The following BANK1 variants were observed in gnomAD, a reference collection of about 807,000 sequenced individuals.
BANK1 encodes B-cell scaffold protein with ankyrin repeats.
Under a neutral mutation model 94.5 loss-of-function variants are expected in BANK1, and 95 were observed. The observed-to-expected ratio is 1.00, with a 90% CI of 0.85 to 1.19. BANK1 has a LOEUF of 1.19. Ranked by LOEUF, BANK1 falls within the 50% of genes most tolerant of loss-of-function variation. BANK1 has a pLI of 0.00. For synonymous variants in BANK1, 334 were observed against 308.4 expected (o/e 1.08, Z -0.87); for missense variants, 987 against 932.2 (o/e 1.06, Z -0.77).
chr4:101,972,639 A>G (rs1252164540), intron 7 of BANK1: 2 of 152,222 alleles, frequency 1.3e-5, no homozygotes, highest in South Asian at 2.1e-4. Context: ...AGCAGTCAGT[A>G]GTATTCCTGC....
intron 7 of BANK1, among the ~76,000 whole-genome samples, chr4:102,018,631 A>C (rs1487412064): frequency 2.0e-5 from 3 of 152,206 alleles, no homozygotes; most frequent in Non-Finnish European, 4.4e-5. Context: ...TACAAGGACT[A>C]TCTGTGGGTT....
At chr4:101,820,444 C>A (rs1230073547) in intron 1 of BANK1, among the ~76,000 whole-genome samples, 1 of 152,104 alleles carries the variant, frequency 6.6e-6, no homozygotes, top group African/African-American at 2.4e-5. Flanking sequence ...GCAATTGCCT[C>A]AAGTGAAGTT....
At chr4:101,811,920 G>T (rs1230657518) in intron 1 of BANK1, among the ~76,000 whole-genome samples, 4 of 151,780 alleles carry the variant, frequency 2.6e-5, no homozygotes, top group Non-Finnish European at 5.9e-5. Context: ...TTTTTTAAGG[G>T]CAGGAATTGG....
rs150206604 is a variant in BANK1 at position 101,825,317 on chromosome 4, T to G, written c.71-4491T>G. Among the ~76,000 whole-genome samples, 17 of 152,240 alleles carry G rather than the reference T, an allele frequency of 1.1e-4. No individual in the cohort carries two copies. In the East Asian group the frequency reaches 1.9e-3, roughly 17 times the overall value. ...TTAGGGTTGATTTAATTCAAATGTA[T>G]AAAATGAAGTGCAGTTCAAGGCCAC... On this transcript the variant is annotated intron_variant, in intron 1 of 16. Coordinates refer to ENST00000322953, the MANE Select transcript of BANK1 (RefSeq NM_017935.5).
At chr4:101,981,327 A>G (rs187983166) in intron 7 of BANK1, among the ~76,000 whole-genome samples, 2 of 152,232 alleles carry the variant, frequency 1.3e-5, no homozygotes, top group Admixed American at 6.6e-5. Flanking sequence ...CAATGGAGAG[A>G]GGAATATTCT....
At chr4:101,896,316 A>G (rs947115580) in intron 6 of BANK1, among the ~76,000 whole-genome samples, 9 of 152,022 alleles carry the variant, frequency 5.9e-5, no homozygotes, top group Non-Finnish European at 1.0e-4. Flanking sequence ...TAAAGAATGT[A>G]AGAAGTCTAA....
chr4:101,855,663 A>T (rs919333832), intron 3 of BANK1, among the ~76,000 whole-genome samples: 13 of 152,336 alleles, frequency 8.5e-5, no homozygotes, highest in Non-Finnish European at 1.6e-4. Flanking sequence ...AGAAATTTAG[A>T]TTCACAGTAA....
Position 101,880,212 on chromosome 4 carries a change from A to G in BANK1, c.903+9568A>G, listed in dbSNP as rs377157135. Among the ~76,000 whole-genome samples, 315 of 152,230 alleles carry G rather than the reference A, an allele frequency of 2.1e-3. 3 individuals are homozygous for G. Among genetic ancestry groups the G allele is most frequent in the East Asian group, 4.8e-3 (25 of 5,190 alleles). On this transcript the variant is annotated intron_variant, in intron 5 of 16. Coordinates refer to ENST00000322953, the MANE Select transcript of BANK1 (RefSeq NM_017935.5). ...AAAACTAAAGACTTCACCAAAAACT[A>G]TTAGAACTGATAAACAAATTCAGTA...
At chr4:102,056,923 T>A (rs905631824) in intron 11 of BANK1, among the ~76,000 whole-genome samples, 1 of 152,118 alleles carries the variant, frequency 6.6e-6, no homozygotes, top group Non-Finnish European at 1.5e-5. Context: ...GAGAATCACT[T>A]GAACTCAGGA....
At chr4:101,866,805 CACATAT>C (rs1384128634) in intron 4 of BANK1, among the ~76,000 whole-genome samples, 2 of 81,676 alleles carry the variant, frequency 2.4e-5, no homozygotes, top group Non-Finnish European at 4.6e-5. Context: ...GAAAATGTGG[CACATAT>C]ACACCATGGA....
At chr4:101,822,874 C>T (rs1218472220) in intron 1 of BANK1, among the ~76,000 whole-genome samples, 1 of 152,178 alleles carries the variant, frequency 6.6e-6, no homozygotes, top group Non-Finnish European at 1.5e-5. Flanking sequence ...CTCGGCCTCC[C>T]AGAGTGCTGG....
intron 2 of BANK1, among the ~76,000 whole-genome samples, chr4:101,834,408 T>A (rs1307718183): frequency 1.3e-5 from 2 of 152,180 alleles, no homozygotes. Flanking sequence ...TTGTCTGAGG[T>A]ACAAGAATGC....
In BANK1 at chr4:102,060,351, T is replaced by G. The variant is rs770707288; in HGVS notation, c.2110T>G (p.Trp704Gly). 5.0e-6 allele frequency: 8 copies of G among 1,610,196 alleles called. No homozygotes were observed. In the South Asian group the frequency reaches 8.9e-5, roughly 18 times the overall value. Residue 704 changes from tryptophan to glycine, a missense_variant, in exon 12 of 17, where the codon TGG (tryptophan) becomes GGG (glycine). Physicochemically the swap from Trp to Gly is radical, Grantham distance 184. Coordinates refer to ENST00000322953, the MANE Select transcript of BANK1 (RefSeq NM_017935.5). ...MDEALEKFKH[W>G]QMGKSGLEMI... ...TGAAGCTCTGGAGAAATTTAAACAC[T>G]GGCAGATGGGAAAAAGTGGCCTGGA...
At chr4:101,965,571 A>G (rs1235905135) in intron 7 of BANK1, among the ~76,000 whole-genome samples, 1 of 152,106 alleles carries the variant, frequency 6.6e-6, no homozygotes, top group African/African-American at 2.4e-5. Flanking sequence ...AAGACACTGA[A>G]AAAACTAGGC....
At chr4:101,993,891 C>T (rs1490451502) in intron 7 of BANK1, among the ~76,000 whole-genome samples, 2 of 152,182 alleles carry the variant, frequency 1.3e-5, no homozygotes, top group Non-Finnish European at 1.5e-5. Context: ...TGCTTGGTTT[C>T]TCCTGATTTA....
At chr4:101,951,985 G>T (rs142816180) in intron 7 of BANK1, among the ~76,000 whole-genome samples, 63 of 152,110 alleles carry the variant, frequency 4.1e-4, no homozygotes, top group African/African-American at 1.4e-3. Flanking sequence ...TATTTTCTTT[G>T]ATAATAAAAT....
At chr4:101,873,629 C>T (rs904461302) in intron 5 of BANK1, among the ~76,000 whole-genome samples, 1 of 152,130 alleles carries the variant, frequency 6.6e-6, no homozygotes, top group Non-Finnish European at 1.5e-5. Flanking sequence ...TTTTAGAACA[C>T]TAATCTGAAT....
At chr4:101,830,977 T>C (rs1726594451) in intron 2 of BANK1, among the ~76,000 whole-genome samples, 1 of 152,224 alleles carries the variant, frequency 6.6e-6, no homozygotes, top group South Asian at 2.1e-4. Flanking sequence ...GGAATGTCTC[T>C]CTTGCAGTTT....
chr4:101,966,465 T>C (rs1016024433), intron 7 of BANK1, among the ~76,000 whole-genome samples: 1 of 151,826 alleles, frequency 6.6e-6, no homozygotes, highest in Non-Finnish European at 1.5e-5. Context: ...TCTTGGAGAG[T>C]AGTTAATATA....
Sources: allele counts gnomAD v4.1 joint callset (sites outside exome capture counted in the v4.1 genomes callset), GRCh38; gene constraint gnomAD v4.1.1; transcripts MANE v1.5; gene names NCBI Gene and HGNC (gene_info 2026-07-23, HGNC 2026-07-21).